Variants in ARHGAP18 observed in about 807,000 individuals in gnomAD.
ARHGAP18 encodes rho GTPase-activating protein 18.
A neutral mutation model predicts 86.2 loss-of-function variants in ARHGAP18; 67 were observed. That is an observed-to-expected ratio of 0.78 (90% confidence interval 0.64 to 0.95). ARHGAP18 has a LOEUF of 0.95. ARHGAP18 is among the 40% of genes least tolerant of loss of function. ARHGAP18 has a pLI of 0.00. For missense variants in ARHGAP18, 691 were observed against 780.4 expected (o/e 0.89, Z 1.37); for synonymous variants, 283 against 280.4 (o/e 1.01, Z -0.09).
intron 4 of ARHGAP18, among the ~76,000 whole-genome samples, chr6:129,632,466 G>A (rs992013867): frequency 6.6e-6 from 1 of 152,038 alleles, no homozygotes; most frequent in African/African-American, 2.4e-5. Context: ...ACCAAGAAAA[G>A]GACAATGTTT....
At chr6:129,654,388 C>A (rs1773784729) in intron 1 of ARHGAP18, among the ~76,000 whole-genome samples, 1 of 152,176 alleles carries the variant, frequency 6.6e-6, no homozygotes, top group African/African-American at 2.4e-5. Context: ...AAGTTTATGA[C>A]CCTGTCCTAG....
chr6:129,580,518 C>G (rs1788266088), intron 13 of ARHGAP18, among the ~76,000 whole-genome samples: 1 of 152,192 alleles, frequency 6.6e-6, no homozygotes, highest in Non-Finnish European at 1.5e-5. Flanking sequence ...TCACATTACT[C>G]TTATTCAATA....
chr6:129,651,712 T>C (rs1225626400), intron 1 of ARHGAP18, among the ~76,000 whole-genome samples: 2 of 152,152 alleles, frequency 1.3e-5, no homozygotes, highest in Non-Finnish European at 2.9e-5. Flanking sequence ...TTTCATCTCC[T>C]CTCTGCCACT....
intron 8 of ARHGAP18, 135 bp from the exon 9 acceptor site, chr6:129,608,187 G>T: frequency 6.4e-5 from 64 of 996,434 alleles, no homozygotes; most frequent in East Asian, 1.8e-4. Flanking sequence ...ACTACCAAAA[G>T]TCAATATTTC....
intron 10 of ARHGAP18, among the ~76,000 whole-genome samples, chr6:129,605,424 A>T (rs1197002114): frequency 6.6e-6 from 1 of 152,154 alleles, no homozygotes; most frequent in Non-Finnish European, 1.5e-5. Flanking sequence ...CTCACTTCAA[A>T]ATCTACCATT....
chr6:129,584,673 G>T (rs968446512), intron 12 of ARHGAP18, among the ~76,000 whole-genome samples: 5 of 152,184 alleles, frequency 3.3e-5, no homozygotes, highest in African/African-American at 1.2e-4. Context: ...GCCCATGGAT[G>T]TGAAAAACAT....
At chr6:129,628,050 A>C (rs1789518797) in intron 5 of ARHGAP18, among the ~76,000 whole-genome samples, 1 of 152,136 alleles carries the variant, frequency 6.6e-6, no homozygotes, top group African/African-American at 2.4e-5. Context: ...CTGAGTGCTA[A>C]GTATTTGGGG....
chr6:129,644,280 G>A (rs1208784494), intron 1 of ARHGAP18, among the ~76,000 whole-genome samples: 2 of 151,960 alleles, frequency 1.3e-5, no homozygotes, highest in African/African-American at 4.8e-5. Context: ...CCCCATATCC[G>A]GCCCCAATGG....
chr6:129,689,807 C>T (rs2082292630), intron 1 of ARHGAP18, among the ~76,000 whole-genome samples: 1 of 152,170 alleles, frequency 6.6e-6, no homozygotes, highest in South Asian at 2.1e-4. Context: ...AAAAGGCACG[C>T]ATTTGCTTTT....
chr6:129,683,315 C>G (rs1774359542), intron 1 of ARHGAP18, among the ~76,000 whole-genome samples: 1 of 152,148 alleles, frequency 6.6e-6, no homozygotes, highest in South Asian at 2.1e-4. Flanking sequence ...TCGTGATCTG[C>G]CCAATTCAGC....
intron 1 of ARHGAP18, among the ~76,000 whole-genome samples, chr6:129,653,624 T>C (rs1022162158): frequency 2.0e-5 from 3 of 152,246 alleles, no homozygotes; most frequent in Admixed American, 1.3e-4. Context: ...ATGTGAATAC[T>C]ACTACAAAAC....
In ARHGAP18 at chr6:129,629,373, C is replaced by T; in HGVS notation, c.766G>A (p.Gly256Ser). ...SSKEKIQKSK[G>S]DDATLPSFRL... is the part of the protein sequence containing the mutation. Reference sequence around the variant, plus strand: ...CGTACAGGTAATGTGGCATCATCGCCTTTGCTCTTCTGGATTTTCTCCTTG... The same window carrying T: ...CGTACAGGTAATGTGGCATCATCGCTTTTGCTCTTCTGGATTTTCTCCTTG... The change falls in exon 5 of 15, where the codon GGC becomes AGC. Residue 256 changes from glycine (G) to serine (S), a missense_variant. Coordinates refer to ENST00000368149, the MANE Select transcript of ARHGAP18 (RefSeq NM_033515.3). The T allele has an allele frequency of 2.5e-6, 4 of 1,613,586 alleles. No homozygotes were observed. Among genetic ancestry groups the T allele is most frequent in the Non-Finnish European group, 2.5e-6 (3 of 1,179,884 alleles).
At chr6:129,625,876 A>C (rs1365791838) in intron 5 of ARHGAP18, among the ~76,000 whole-genome samples, 1 of 96,304 alleles carries the variant, frequency 1.0e-5, no homozygotes, top group Non-Finnish European at 1.9e-5. Context: ...TATATATTAT[A>C]TATTTATATA....
At position 129,600,697 on chromosome 6, in the gene ARHGAP18, G is replaced by A. The variant is rs779199736; in HGVS notation, c.1517C>T (p.Ala506Val). ...SSEQREFVMA[A>V]GTANTMHLLI... is the part of the protein sequence containing the mutation. ...TAAGTGCATGGTATTTGCTGTCCCA[G>A]CTGCCATTACAAATTCTCGCTGTTC... The change falls in exon 11 of 15, where the codon GCT (alanine) becomes GTT (valine). Residue 506 changes from alanine to valine, a missense_variant. Physicochemically the swap from Ala to Val is moderately conservative, Grantham distance 64. Transcript: ENST00000368149. 5.6e-6 allele frequency: 9 copies of A among 1,613,532 alleles called. No homozygotes were observed. The highest frequency in any genetic ancestry group is 4.0e-5 in the African/African-American group (3 of 74,874).
chr6:129,687,113 T>C (rs956383840), intron 1 of ARHGAP18, among the ~76,000 whole-genome samples: 17 of 151,884 alleles, frequency 1.1e-4, no homozygotes, highest in Non-Finnish European at 2.1e-4. Context: ...CGTGAGTCAC[T>C]GCGCCTGGCC....
intron 1 of ARHGAP18, among the ~76,000 whole-genome samples, chr6:129,670,665 C>G (rs965083340): frequency 1.9e-4 from 29 of 151,240 alleles, no homozygotes; most frequent in Non-Finnish European, 4.4e-5. Context: ...TCAGATTCAC[C>G]AAAAGTATGT....
At chr6:129,690,908 G>A (rs10872346) in intron 1 of ARHGAP18, among the ~76,000 whole-genome samples, 20,685 of 152,026 alleles carry the variant, frequency 0.14, 1,938 homozygotes, top group African/African-American at 0.26. Context: ...TCATTTCAAT[G>A]CTATCATTAC....
At chr6:129,644,991 A>T (rs1562708361) in intron 1 of ARHGAP18, among the ~76,000 whole-genome samples, 1 of 152,138 alleles carries the variant, frequency 6.6e-6, no homozygotes, top group Non-Finnish European at 1.5e-5. Context: ...GAAAAGAGGA[A>T]TTTTCTTTTT....
At chr6:129,686,128 G>A (rs1037349773) in intron 1 of ARHGAP18, among the ~76,000 whole-genome samples, 14 of 152,118 alleles carry the variant, frequency 9.2e-5, no homozygotes, top group East Asian at 3.9e-4. Context: ...ACAGCTTCTC[G>A]GAACCCAACT....
Sources: gnomAD v4.1 joint callset for allele counts (sites outside exome capture counted in the v4.1 genomes callset) on GRCh38, gnomAD v4.1.1 for gene constraint, MANE v1.5 for transcripts, NCBI Gene and HGNC (gene_info 2026-07-23, HGNC 2026-07-21) for gene names.